DSCAM: variants seen among roughly 807,000 people sequenced by gnomAD.
DSCAM encodes the protein DS cell adhesion molecule, also known as cell adhesion molecule DSCAM.
DSCAM carries 47 observed loss-of-function variants against 217.7 expected under a neutral mutation model. That is an observed-to-expected ratio of 0.22 (90% CI 0.17 to 0.28). The LOEUF is 0.28. Among genes scored for constraint, DSCAM ranks in the 10% least tolerant of loss-of-function variants. DSCAM has a pLI of 1.00. For missense variants in DSCAM, 2,080 were observed against 2,618.3 expected (o/e 0.79, Z 4.49); for synonymous variants, 1,056 against 1,015.3 (o/e 1.04, Z -0.76).
At chr21:40,756,976 C>CATGTGTGTGT (rs35592258) in intron 1 of DSCAM, among the ~76,000 whole-genome samples, 15 of 149,604 alleles carry the variant, frequency 1.0e-4, no homozygotes, top group African/African-American at 3.2e-4. Context: ...AACAAATGGT[C>CATGTGTGTGT]GTGTGTGTGT....
chr21:40,317,261 G>A (rs1018265167), intron 8 of DSCAM, among the ~76,000 whole-genome samples: 2 of 152,204 alleles, frequency 1.3e-5, no homozygotes, highest in Admixed American at 6.5e-5. Context: ...TAACAACATC[G>A]TTTAGCTAAA....
chr21:40,609,067 T>A (rs1167420984), intron 3 of DSCAM, among the ~76,000 whole-genome samples: 1 of 152,102 alleles, frequency 6.6e-6, no homozygotes, highest in Non-Finnish European at 1.5e-5. Context: ...CAGTCCTCCA[T>A]CCTCAGGCCC....
intron 11 of DSCAM, among the ~76,000 whole-genome samples, chr21:40,231,657 C>A (rs2091383576): frequency 6.6e-6 from 1 of 151,650 alleles, no homozygotes; most frequent in Non-Finnish European, 1.5e-5. Flanking sequence ...AGCACACGAC[C>A]ATGCCCAGCT....
At chr21:40,274,244 T>G (rs2123374513) in intron 11 of DSCAM, among the ~76,000 whole-genome samples, 1 of 152,306 alleles carries the variant, frequency 6.6e-6, no homozygotes, top group African/African-American at 2.4e-5. Flanking sequence ...CGTCCATTCT[T>G]GAAGCCTATT....
chr21:40,783,833 C>T (rs1041973102), intron 1 of DSCAM, among the ~76,000 whole-genome samples: 1 of 152,206 alleles, frequency 6.6e-6, no homozygotes, highest in African/African-American at 2.4e-5. Flanking sequence ...GAATCCATTG[C>T]TTCCTAAAGA....
chr21:40,546,608 C>G (rs779353391), intron 3 of DSCAM, among the ~76,000 whole-genome samples: 4 of 152,198 alleles, frequency 2.6e-5, no homozygotes, highest in Non-Finnish European at 5.9e-5. Flanking sequence ...GTTTTCCTCC[C>G]TAGTCCATGC....
chr21:40,222,096 G>A (rs1167756713), intron 11 of DSCAM, among the ~76,000 whole-genome samples: 2 of 152,194 alleles, frequency 1.3e-5, no homozygotes, highest in African/African-American at 2.4e-5. Flanking sequence ...AACTGAGAGT[G>A]TTTGTTGCCA....
intron 3 of DSCAM, among the ~76,000 whole-genome samples, chr21:40,629,863 TC>T (rs1428902599): frequency 1.3e-5 from 2 of 152,204 alleles, no homozygotes; most frequent in African/African-American, 2.4e-5. Context: ...AGACCTGGCA[TC>T]TACTATAGAA....
At chr21:40,431,145 G>A (rs1441210277) in intron 3 of DSCAM, among the ~76,000 whole-genome samples, 2 of 152,198 alleles carry the variant, frequency 1.3e-5, no homozygotes, top group African/African-American at 4.8e-5. Context: ...CTGATGTTAT[G>A]CAAAGATTTT....
rs1569093054 is a variant in DSCAM at position 40,376,595 on chromosome 21, G to GATATCTATATATCTTAGATATCT, written c.509-7351_509-7350insAGATATCTAAGATATATAGATAT. Among the ~76,000 whole-genome samples, 41 of 113,636 alleles carry GATATCTATATATCTTAGATATCT rather than the reference G, an allele frequency of 3.6e-4. 7 individuals carry two copies. Among genetic ancestry groups the GATATCTATATATCTTAGATATCT allele is most frequent in the African/African-American group, 1.7e-3 (41 of 23,828 alleles). The allele number at this position is 113,636 out of a possible 152,430, so 74.5% of individuals were successfully genotyped here. A position where few individuals can be genotyped will look rare whatever the true frequency, so the allele number is the denominator to read the frequency against. The stretch of plus-strand genomic sequence containing the variant: ...TATCGATATCTATATATCTTATATC[G>GATATCTATATATCTTAGATATCT]ATATCTATATATCTTATATAGATAT... On this transcript the variant is annotated intron_variant, in intron 3 of 32. Coordinates refer to ENST00000400454, the MANE Select transcript of DSCAM (RefSeq NM_001389.5).
intron 3 of DSCAM, among the ~76,000 whole-genome samples, chr21:40,581,414 G>A (rs1040274148): frequency 4.6e-5 from 7 of 152,144 alleles, no homozygotes; most frequent in African/African-American, 9.7e-5. Context: ...TTTTACAGGC[G>A]AAGAAATAGG....
intron 3 of DSCAM, among the ~76,000 whole-genome samples, chr21:40,648,523 G>C (rs1342470593): frequency 6.6e-6 from 1 of 152,012 alleles, no homozygotes; most frequent in Non-Finnish European, 1.5e-5. Flanking sequence ...ATAAGTCCTG[G>C]GTACATCCAC....
intron 10 of DSCAM, among the ~76,000 whole-genome samples, chr21:40,295,110 A>T (rs537407987): frequency 2.6e-5 from 4 of 152,300 alleles, no homozygotes; most frequent in African/African-American, 9.6e-5. Flanking sequence ...CTAGAGTATA[A>T]ATGATGATTA....
At chr21:40,452,403 G>C (rs916890142) in intron 3 of DSCAM, among the ~76,000 whole-genome samples, 2 of 151,638 alleles carry the variant, frequency 1.3e-5, no homozygotes, top group Non-Finnish European at 2.9e-5. Flanking sequence ...GTGTGCATCG[G>C]GACATAAAGA....
At chr21:40,284,844 G>A (rs1252258839) in intron 10 of DSCAM, among the ~76,000 whole-genome samples, 1 of 152,140 alleles carries the variant, frequency 6.6e-6, no homozygotes, top group Non-Finnish European at 1.5e-5. Context: ...TTTTGTAAAT[G>A]TGCACATAAT....
chr21:40,534,715 A>G (rs781471653), intron 3 of DSCAM, among the ~76,000 whole-genome samples: 56 of 152,328 alleles, frequency 3.7e-4, no homozygotes, highest in Admixed American at 1.7e-3. Flanking sequence ...AGAGTGATAT[A>G]TTTTTAAAAA....
intron 20 of DSCAM, 118 bp from the exon 21 acceptor site, chr21:40,093,992 C>G (rs971789378): frequency 3.5e-5 from 37 of 1,064,654 alleles, no homozygotes; most frequent in Non-Finnish European, 4.4e-5. Flanking sequence ...AACTCACTCT[C>G]CTCTAAAAGG....
intron 3 of DSCAM, among the ~76,000 whole-genome samples, chr21:40,572,387 A>C (rs1001756981): frequency 1.3e-5 from 2 of 152,208 alleles, no homozygotes; most frequent in Admixed American, 1.3e-4. Context: ...GCAGGAAATA[A>C]GAAAGAGAAA....
chr21:40,637,654 T>G (rs1202903074), intron 3 of DSCAM, among the ~76,000 whole-genome samples: 1 of 8,122 alleles, frequency 1.2e-4, no homozygotes, highest in African/African-American at 7.7e-4. Flanking sequence ...TATATATCTA[T>G]ATATATATAT....
Sources: gnomAD v4.1 joint callset for allele counts (sites outside exome capture counted in the v4.1 genomes callset) on GRCh38, gnomAD v4.1.1 for gene constraint, MANE v1.5 for transcripts, NCBI Gene and HGNC (gene_info 2026-07-23, HGNC 2026-07-21) for gene names.